Variants in UNC93A observed in about 807,000 individuals in gnomAD.
The protein encoded by UNC93A is N-acetylglucosamine transporter UNC93A.
In UNC93A, 43 loss-of-function variants were observed where a neutral mutation model predicts 47.5. The ratio of observed to expected loss-of-function variants is 0.91; its 90% confidence interval spans 0.71 to 1.17. The LOEUF is 1.17. Ranked by LOEUF, UNC93A falls within the 50% of genes most tolerant of loss-of-function variation. The pLI, the probability that UNC93A is intolerant of heterozygous loss-of-function variation, is 0.00. For missense variants in UNC93A, 605 were observed against 577.6 expected (o/e 1.05, Z -0.49); for synonymous variants, 280 against 258.0 (o/e 1.09, Z -0.82).
Position 167,291,378 on chromosome 6 carries a change from A to G in UNC93A, c.-112A>G, listed in dbSNP as rs1006281415. 1.2e-6 allele frequency: 1 copy of G among 832,926 alleles called. No homozygotes were observed. Among genetic ancestry groups the G allele is most frequent in the African/African-American group, 1.7e-5 (1 of 58,208 alleles). The allele number at this position is 832,926 out of a possible 1,614,324, so 51.6% of individuals were successfully genotyped here. On this transcript the variant is annotated 5_prime_UTR_variant, in exon 1 of 8. Coordinates refer to ENST00000230256, the MANE Select transcript of UNC93A (RefSeq NM_018974.4). Reference sequence around the variant, plus strand: ...ACATTTCACCTCTAGCTCAGATGAGAGAGAGAATGGGACTTCTTGGTACTG... The same window carrying G: ...ACATTTCACCTCTAGCTCAGATGAGGGAGAGAATGGGACTTCTTGGTACTG...
At chr6:167,286,962 A>G (rs1783745997), upstream of UNC93A, among the ~76,000 whole-genome samples, 1 of 142,308 alleles carries the variant, frequency 7.0e-6, no homozygotes, top group African/African-American at 2.6e-5. Context: ...TGGGCGACAG[A>G]GCAAGACTCT....
At chr6:167,275,096 G>A (rs968387200) in intron 1 of UNC93A, among the ~76,000 whole-genome samples, 1 of 152,160 alleles carries the variant, frequency 6.6e-6, no homozygotes, top group East Asian at 1.9e-4. Flanking sequence ...GGAGCTGACC[G>A]TGGCATCTGT....
chr6:167,286,192 G>C (rs578165467), intron 1 of UNC93A, among the ~76,000 whole-genome samples: 33 of 151,696 alleles, frequency 2.2e-4, no homozygotes, highest in Non-Finnish European at 3.5e-4. Context: ...TTTATAAGAT[G>C]TTCTCCCTTC....
rs1778671610 is a variant in UNC93A at position 167,315,563 on chromosome 6, GC to G, written c.*113del. 2 of 1,525,186 alleles carry G rather than the reference GC, an allele frequency of 1.3e-6. No individual in the cohort carries two copies. The highest frequency in any genetic ancestry group is 2.8e-5 in the African/African-American group (2 of 71,944). The allele number at this position is 1,525,186 out of a possible 1,614,324, so 94.5% of individuals were successfully genotyped here. Reference sequence around the variant, plus strand: ...CTCATCACCATCTCAGCACAATTTGGCCATTCTGAAGAGATCATGTTATTTC... The same window carrying G: ...CTCATCACCATCTCAGCACAATTTGGCATTCTGAAGAGATCATGTTATTTC... On this transcript the variant is annotated 3_prime_UTR_variant, in exon 8 of 8. Coordinates refer to ENST00000230256, the MANE Select transcript of UNC93A (RefSeq NM_018974.4).
At chr6:167,298,157 T>G in intron 4 of UNC93A, 87 bp downstream of exon 4, 1 of 1,519,454 alleles carries the variant, frequency 6.6e-7, no homozygotes, top group Non-Finnish European at 8.8e-7. Context: ...TCTCTCCCAA[T>G]GTAAAAGTAA....
chr6:167,275,393 C>T (rs1368749341), intron 1 of UNC93A, among the ~76,000 whole-genome samples: 2 of 152,198 alleles, frequency 1.3e-5, no homozygotes, highest in Non-Finnish European at 2.9e-5. Flanking sequence ...CTTCCGTTTC[C>T]CTAATGATTC....
intron 1 of UNC93A, among the ~76,000 whole-genome samples, chr6:167,276,218 T>C (rs777941309): frequency 1.3e-5 from 2 of 152,126 alleles, no homozygotes; most frequent in Non-Finnish European, 2.9e-5. Flanking sequence ...AGTATTCCGT[T>C]GTGTATATAT....
rs773360612 is a variant in UNC93A, at chr6:167,296,162, G to T, written c.400G>T (p.Val134Leu). 6.2e-6 allele frequency: 10 copies of T among 1,614,108 alleles called. No homozygotes were observed. In the South Asian group the frequency reaches 9.9e-5, roughly 16 times the overall value. The change falls in exon 3 of 8, where the codon GTG becomes TTG. Residue 134 changes from valine (V) to leucine (L), a missense_variant. Transcript: ENST00000230256. ...EKAGKRGKDM[V>L]NQYFGIFFLI... ...GGCGGGAAAGCGTGGCAAAGACATG[G>T]TGAACCAGTATTTTGGCATCTTCTT...
chr6:167,297,201 G>A (rs1265268318), intron 3 of UNC93A, among the ~76,000 whole-genome samples: 1 of 152,198 alleles, frequency 6.6e-6, no homozygotes, highest in East Asian at 1.9e-4. Context: ...CTGCAGGTGA[G>A]TTAGTTCTCC....
rs902469466 is a variant in UNC93A at position 167,278,855 on chromosome 6, G to T, written c.-52+7397G>T. Among the ~76,000 whole-genome samples the T allele has an allele frequency of 2.0e-5, 3 of 152,064 alleles. No individual in the cohort carries two copies. The South Asian group carries it at 6.2e-4, about 32-fold the overall frequency. On this transcript the variant is annotated intron_variant, in intron 1 of 3. Transcript: ENST00000503433. ...GGAGTTTTTCATTTTAACAGTTACA[G>T]AATCATCTACACGGATGTCACCCTG...
chr6:167,307,878 T>G lies in UNC93A; in HGVS notation c.1076T>G (p.Val359Gly), dbSNP rs778761869. ...VFFVFSGLWG[V>G]ADAVWQTQNN... Reference sequence around the variant, plus strand: ...TTCGTATTCTCTGGCCTGTGGGGCGTGGCAGATGCCGTCTGGCAGACACAA... The same window carrying G: ...TTCGTATTCTCTGGCCTGTGGGGCGGGGCAGATGCCGTCTGGCAGACACAA... Residue 359 changes from valine (V) to glycine (G), a missense_variant, in exon 7 of 8, where the codon GTG becomes GGG. Val to Gly is a moderately radical substitution (Grantham distance 109). Transcript: ENST00000230256. 6.2e-7 allele frequency: 1 copy of G among 1,613,930 alleles called. No homozygotes were observed. Among genetic ancestry groups the G allele is most frequent in the South Asian group, 1.1e-5 (1 of 91,082 alleles).
chr6:167,281,467 G>A (rs2115085501), intron 1 of UNC93A, among the ~76,000 whole-genome samples: 1 of 152,344 alleles, frequency 6.6e-6, no homozygotes, highest in Non-Finnish European at 1.5e-5. Flanking sequence ...AGGAGGCCTA[G>A]CAACAGAGCA....
chr6:167,299,449 G>A (rs1778180909), intron 4 of UNC93A, among the ~76,000 whole-genome samples: 1 of 152,170 alleles, frequency 6.6e-6, no homozygotes, highest in African/African-American at 2.4e-5. Flanking sequence ...GGCTCTGAGT[G>A]AGCACTTGTA....
At chr6:167,292,154 C>T (rs1371789257) in intron 1 of UNC93A, among the ~76,000 whole-genome samples, 1 of 152,198 alleles carries the variant, frequency 6.6e-6, no homozygotes, top group Non-Finnish European at 1.5e-5. Flanking sequence ...AGACCTGACA[C>T]ATTTTCCCAA....
At position 167,305,950 on chromosome 6, in the gene UNC93A, C is replaced by A; in HGVS notation, c.876C>A (p.Val292=). ...YVTCTLGIQF[V]GYVMICFSAT... ...CCTGCACCCTGGGCATCCAGTTCGT[C>A]GGCTACGTGATGATCTGCTTCTCGG... The change falls in exon 6 of 8, where the codon GTC becomes GTA. Residue 292 remains valine (V), a synonymous_variant. Transcript: ENST00000230256. The A allele has an allele frequency of 6.2e-7, 1 of 1,614,098 alleles. No homozygotes were observed. The highest frequency in any genetic ancestry group is 8.5e-7 in the Non-Finnish European group (1 of 1,179,972).
intron 2 of UNC93A, among the ~76,000 whole-genome samples, chr6:167,295,433 C>T (rs533989554): frequency 3.7e-4 from 41 of 111,148 alleles, no homozygotes; most frequent in African/African-American, 1.1e-3. Context: ...TCGTGATCCT[C>T]GGCCTCCCTC....
At chr6:167,303,874 C>G in intron 4 of UNC93A, 45 bp from the exon 5 acceptor site, 4 of 1,602,538 alleles carry the variant, frequency 2.5e-6, no homozygotes, top group Non-Finnish European at 3.4e-6. Context: ...GGCACCCTGC[C>G]TCTGGGCCCC....
At chr6:167,286,743 C>T (rs1318374647), upstream of UNC93A, among the ~76,000 whole-genome samples, 8 of 151,922 alleles carry the variant, frequency 5.3e-5, no homozygotes, top group African/African-American at 2.4e-5. Flanking sequence ...TTTGGGAGGC[C>T]GAGGCGGGCG....
At position 167,296,024 on chromosome 6, in the gene UNC93A, A is replaced by G; in HGVS notation, c.270-8A>G. 1 of 1,613,252 alleles carries G rather than the reference A, an allele frequency of 6.2e-7. No homozygotes were observed. Among genetic ancestry groups the G allele is most frequent in the Non-Finnish European group, 8.5e-7 (1 of 1,179,332 alleles). On this transcript the variant is annotated splice_region_variant and splice_polypyrimidine_tract_variant and intron_variant, in intron 2 of 7. Coordinates refer to ENST00000230256, the MANE Select transcript of UNC93A (RefSeq NM_018974.4). ...GTTACAGGCTATGGGTCTGCATTTT[A>G]CCCACAGGTACACTTTGATCCCCAC...
Sources: allele counts gnomAD v4.1 joint callset (sites outside exome capture counted in the v4.1 genomes callset), GRCh38; gene constraint gnomAD v4.1.1; transcripts MANE v1.5; gene names NCBI Gene and HGNC (gene_info 2026-07-23, HGNC 2026-07-21).